POM121C: variants seen among roughly 807,000 people sequenced by gnomAD.
The protein encoded by POM121C is POM121 transmembrane nucleoporin C.
In POM121C, 20 loss-of-function variants were observed where a neutral mutation model predicts 66.4. That is an observed-to-expected ratio of 0.30 (90% CI 0.21 to 0.44). The LOEUF is 0.44. Among genes scored for constraint, POM121C ranks in the 20% least tolerant of loss-of-function variants. The pLI is 1.00. For missense variants in POM121C, 580 were observed against 1,225.7 expected (o/e 0.47, Z 7.87); for synonymous variants, 286 against 528.0 (o/e 0.54, Z 6.28).
chr7:75,467,202 G>GA lies in POM121C; in HGVS notation c.-152+7501dup, dbSNP rs770855874. Among the ~76,000 whole-genome samples the GA allele has an allele frequency of 2.4e-4, 36 of 152,262 alleles. 1 individual carries two copies. Among genetic ancestry groups the GA allele is most frequent in the Admixed American group, 5.2e-4 (8 of 15,282 alleles). On this transcript the variant is annotated intron_variant, in intron 3 of 14. Transcript: ENST00000615331. ...CCTTCACTCATATGACGACTGTAGA[G>GA]AAAATCAAAAAATCTGGTGCTCAAG...
chr7:75,465,154 C>T (rs1186677904), intron 3 of POM121C, among the ~76,000 whole-genome samples: 1 of 151,706 alleles, frequency 6.6e-6, no homozygotes, highest in Non-Finnish European at 1.5e-5. Context: ...GCCACCATGC[C>T]CGGCTATTTT....
At chr7:75,459,627 A>T (rs190990902) in intron 3 of POM121C, among the ~76,000 whole-genome samples, 6 of 148,510 alleles carry the variant, frequency 4.0e-5, no homozygotes, top group Admixed American at 1.4e-4. Flanking sequence ...AAAAGAAAGA[A>T]ATGAAGAAAA....
chr7:75,484,042 C>T (rs1260302631), intron 1 of POM121C, among the ~76,000 whole-genome samples: 9 of 151,142 alleles, frequency 6.0e-5, no homozygotes, highest in African/African-American at 2.2e-4. Context: ...GTGGAGGTTG[C>T]AGTGAAGCGA....
intron 3 of POM121C, among the ~76,000 whole-genome samples, chr7:75,456,290 T>C (rs1791209519): frequency 6.6e-6 from 1 of 152,282 alleles, no homozygotes; most frequent in Non-Finnish European, 1.5e-5. Context: ...AATCTGACTC[T>C]TGTACTTTGG....
At chr7:75,426,797 C>CAAAAAAAAAAAAAA (rs543569250) in intron 7 of POM121C, among the ~76,000 whole-genome samples, 1 of 61,106 alleles carries the variant, frequency 1.6e-5, no homozygotes, top group African/African-American at 5.8e-5. Context: ...GACCCTGTCT[C>CAAAAAAAAAAAAAA]AAAAAAAAAA....
chr7:75,485,391 G>A (rs1475301533), intron 1 of POM121C, among the ~76,000 whole-genome samples: 2 of 152,020 alleles, frequency 1.3e-5, no homozygotes. Context: ...CCACAAAGCC[G>A]GTGACCTGGT....
intron 3 of POM121C, among the ~76,000 whole-genome samples, chr7:75,461,622 G>A (rs1791444909): frequency 1.3e-5 from 2 of 152,036 alleles, no homozygotes; most frequent in South Asian, 2.1e-4. Flanking sequence ...TGTTGGCCAG[G>A]CTGGTCTCAA....
At chr7:75,423,610 C>G (rs1163989996) in intron 12 of POM121C, among the ~76,000 whole-genome samples, 1 of 151,784 alleles carries the variant, frequency 6.6e-6, no homozygotes, top group Non-Finnish European at 1.5e-5. Flanking sequence ...AGGTTACCGT[C>G]TGATAAAGAG....
chr7:75,462,853 G>C (rs587680402), intron 3 of POM121C, among the ~76,000 whole-genome samples: 1 of 152,068 alleles, frequency 6.6e-6, no homozygotes, highest in African/African-American at 2.4e-5. Flanking sequence ...GTTTCTATGG[G>C]AAATTTGGGT....
At chr7:75,437,100 G>C (rs1314941792) in intron 7 of POM121C, among the ~76,000 whole-genome samples, 2 of 152,110 alleles carry the variant, frequency 1.3e-5, no homozygotes, top group African/African-American at 4.8e-5. Context: ...TCTACCTTTC[G>C]AATCACCCTC....
chr7:75,481,203 C>T, intron 1 of POM121C, among the ~76,000 whole-genome samples: 1 of 150,160 alleles, frequency 6.7e-6, no homozygotes, highest in Non-Finnish European at 1.5e-5. Flanking sequence ...AAATAAAATG[C>T]TAAATAGAAA....
intron 1 of POM121C, among the ~76,000 whole-genome samples, chr7:75,481,454 T>G (rs1194989015): frequency 6.6e-6 from 1 of 152,120 alleles, no homozygotes; most frequent in East Asian, 1.9e-4. Context: ...AATACCCTCC[T>G]GCTTAAAAGC....
chr7:75,477,300 T>C (rs1238263222), intron 1 of POM121C, among the ~76,000 whole-genome samples: 1 of 152,156 alleles, frequency 6.6e-6, no homozygotes, highest in Non-Finnish European at 1.5e-5. Context: ...AAAGTAAAAG[T>C]GCTTGGGCAC....
intron 10 of POM121C, 123 bp downstream of exon 10, chr7:75,424,948 ATGT>A (rs1789879036): frequency 6.7e-7 from 1 of 1,500,154 alleles, no homozygotes; most frequent in South Asian, 1.4e-5. Flanking sequence ...TGACAGAGGG[ATGT>A]TGTCTCAAAA....
chr7:75,441,224 C>A, intron 4 of POM121C, 109 bp from the exon 5 acceptor site: 1 of 1,512,612 alleles, frequency 6.6e-7, no homozygotes, highest in Non-Finnish European at 9.0e-7. Flanking sequence ...TATACACTCA[C>A]AACAGTTCCC....
rs1478581618 is a variant in POM121C at position 75,416,975 on chromosome 7, C to T, written c.*1821G>A. The T allele has an allele frequency of 8.2e-6, 11 of 1,349,648 alleles. No individual in the cohort carries two copies. The highest frequency in any genetic ancestry group is 4.4e-5 in the African/African-American group (3 of 68,318). The allele number at this position is 1,349,648 out of a possible 1,614,324, so 83.6% of individuals were successfully genotyped here. On this transcript the variant is annotated 3_prime_UTR_variant, in exon 15 of 15. Coordinates refer to ENST00000615331, the MANE Select transcript of POM121C (RefSeq NM_001099415.3). ...TCACTCTCACTCAGGGTTCCCGGAC[C>T]GGCTGTCCTGCCTGCGGAACTGAGG...
chr7:75,451,029 G>A (rs1171811795), intron 3 of POM121C, among the ~76,000 whole-genome samples: 11 of 152,084 alleles, frequency 7.2e-5, no homozygotes, highest in Non-Finnish European at 1.3e-4. Context: ...AAATAAGAGA[G>A]TACACAAACA....
At chr7:75,476,517 C>T (rs1388096031) in intron 1 of POM121C, among the ~76,000 whole-genome samples, 2 of 151,884 alleles carry the variant, frequency 1.3e-5, no homozygotes, top group African/African-American at 4.8e-5. Context: ...ATGTAGATCC[C>T]AAGAGATAGC....
chr7:75,474,444 G>A (rs1163556265), intron 3 of POM121C, among the ~76,000 whole-genome samples: 2 of 152,146 alleles, frequency 1.3e-5, no homozygotes, highest in African/African-American at 4.8e-5. Context: ...CTAATGGCGA[G>A]GGAGTAAATA....
Sources: gnomAD v4.1 joint callset for allele counts (sites outside exome capture counted in the v4.1 genomes callset) on GRCh38, gnomAD v4.1.1 for gene constraint, MANE v1.5 for transcripts, NCBI Gene and HGNC (gene_info 2026-07-23, HGNC 2026-07-21) for gene names.